Variants in FLRT2 observed in about 807,000 individuals in gnomAD.
FLRT2 encodes fibronectin leucine rich transmembrane protein 2, also known as leucine-rich repeat transmembrane protein FLRT2.
In FLRT2, 15 loss-of-function variants were observed where a neutral mutation model predicts 40.0. The observed-to-expected ratio is 0.38, with a 90% confidence interval of 0.25 to 0.58. The LOEUF (loss-of-function observed/expected upper bound fraction) is 0.58. Among genes scored for constraint, FLRT2 ranks in the 20% least tolerant of loss-of-function variants. The pLI, the probability that FLRT2 is intolerant of heterozygous loss-of-function variation, is 0.71. For synonymous variants in FLRT2, 380 were observed against 336.8 expected (o/e 1.13, Z -1.41); for missense variants, 726 against 840.0 (o/e 0.86, Z 1.68).
intron 1 of FLRT2, among the ~76,000 whole-genome samples, chr14:85,535,345 GC>G (rs767334797): frequency 2.8e-4 from 19 of 67,616 alleles, no homozygotes; most frequent in Non-Finnish European, 4.9e-4. Context: ...CCAATGAAAA[GC>G]CCCCCCCCAA....
At chr14:85,584,892 C>T (rs145287273) in intron 1 of FLRT2, among the ~76,000 whole-genome samples, 1,571 of 114,492 alleles carry the variant, frequency 0.014, 9 homozygotes, top group South Asian at 0.02. Flanking sequence ...CAAATGGGGC[C>T]GTATCCAAAA....
In FLRT2 at chr14:85,623,644, C is replaced by A; in HGVS notation, c.*147C>A. 1.7e-6 allele frequency: 1 copy of A among 585,386 alleles called. No individual in the cohort carries two copies. Among genetic ancestry groups the A allele is most frequent in the Non-Finnish European group, 2.8e-6 (1 of 362,690 alleles). 36.3% of individuals were successfully genotyped at this position (585,386 alleles called of 1,614,324 possible). A position where few individuals can be genotyped will look rare whatever the true frequency, so the allele number is the denominator to read the frequency against. ...AATACTCTGTAATTTATACGGTGTA[C>A]TATATAATGGGATTTAAAAAAAGTG... is the stretch of plus-strand genomic sequence containing the variant. On this transcript the variant is annotated 3_prime_UTR_variant, in exon 2 of 2. Transcript: ENST00000330753.
Position 85,625,080 on chromosome 14 carries a change from TC to T in FLRT2, c.*1584del. The T allele has an allele frequency of 6.0e-6, 1 of 167,146 alleles. No homozygotes were observed. 10.4% of individuals were successfully genotyped at this position (167,146 alleles called of 1,614,324 possible). On this transcript the variant is annotated 3_prime_UTR_variant, in exon 2 of 2. Coordinates refer to ENST00000330753, the MANE Select transcript of FLRT2 (RefSeq NM_013231.6). ...AAAAGAGAGGATGTCCGTGCTTAAT[TC>T]TAGATACTTTTGAGACAACACCTTC...
Position 85,579,333 on chromosome 14 carries a change from G to A in FLRT2, c.-376-41806G>A, listed in dbSNP as rs529645145. Reference sequence around the variant, plus strand: ...TCTTCTCTTGGCTAAAATAAAGACCGGGGGAATTGGTCTGGCTTTAAAGAA... The same window carrying A: ...TCTTCTCTTGGCTAAAATAAAGACCAGGGGAATTGGTCTGGCTTTAAAGAA... On this transcript the variant is annotated intron_variant, in intron 1 of 1. Coordinates refer to ENST00000330753, the MANE Select transcript of FLRT2 (RefSeq NM_013231.6). Among the ~76,000 whole-genome samples the A allele has an allele frequency of 9.9e-5, 15 of 152,182 alleles. No homozygotes were observed. The South Asian group carries it at 1.2e-3, about 13-fold the overall frequency.
rs1048915534 is a variant in FLRT2, at chr14:85,645,607, T to C, written c.*22110T>C. ...GGGAAGAAATACGTGTTAAGGATTG[T>C]TCATAAGTGGCAGAACCTATGAGAA... On this transcript the variant is annotated 3_prime_UTR_variant, in exon 2 of 2. Coordinates refer to ENST00000330753, the MANE Select transcript of FLRT2 (RefSeq NM_013231.6). The C allele has an allele frequency of 6.6e-6, 1 of 152,200 alleles. No homozygotes were observed. Among genetic ancestry groups the C allele is most frequent in the African/African-American group, 2.4e-5 (1 of 41,448 alleles). 9.4% of individuals were successfully genotyped at this position (152,200 alleles called of 1,614,324 possible).
Position 85,625,794 on chromosome 14 carries a change from G to A in FLRT2, c.*2297G>A, listed in dbSNP as rs1893656572. On this transcript the variant is annotated 3_prime_UTR_variant, in exon 2 of 2. Coordinates refer to ENST00000330753, the MANE Select transcript of FLRT2 (RefSeq NM_013231.6). Reference sequence around the variant, plus strand: ...AGATAAAATTGTGCATTCAAATGATGGTACTTTGACTTTTGAGGGTTTTTA... The same window carrying A: ...AGATAAAATTGTGCATTCAAATGATAGTACTTTGACTTTTGAGGGTTTTTA... 6.0e-6 allele frequency: 1 copy of A among 166,672 alleles called. No homozygotes were observed. The highest frequency in any genetic ancestry group is 6.6e-5 in the Admixed American group (1 of 15,252). The allele number at this position is 166,672 out of a possible 1,614,324, so 10.3% of individuals were successfully genotyped here.
chr14:85,620,009 A>T (rs1893310408), intron 1 of FLRT2, among the ~76,000 whole-genome samples: 1 of 152,220 alleles, frequency 6.6e-6, no homozygotes, highest in South Asian at 2.1e-4. Context: ...TCTTCAAGGG[A>T]TCACAATGGT....
rs1425688910 is a variant in FLRT2, at chr14:85,626,653, C to T, written c.*3156C>T. The stretch of plus-strand genomic sequence containing the variant: ...CACCGTCAGATGCATTAGCAGCCCA[C>T]TGCATGGGACAATCGCAGGCAGATA... On this transcript the variant is annotated 3_prime_UTR_variant, in exon 2 of 2. Transcript: ENST00000330753. The T allele has an allele frequency of 6.0e-6, 1 of 167,120 alleles. No individual in the cohort carries two copies. The highest frequency in any genetic ancestry group is 1.9e-4 in the East Asian group (1 of 5,194). 10.4% of individuals were successfully genotyped at this position (167,120 alleles called of 1,614,324 possible).
chr14:85,601,162 G>T (rs1444880792), intron 1 of FLRT2, among the ~76,000 whole-genome samples: 1 of 152,136 alleles, frequency 6.6e-6, no homozygotes, highest in Non-Finnish European at 1.5e-5. Flanking sequence ...AAGCTGAAGT[G>T]CTGTAGGTAG....
intron 1 of FLRT2, among the ~76,000 whole-genome samples, chr14:85,591,083 T>G (rs8008717): frequency 0.3 from 45,307 of 152,082 alleles, 7,507 homozygotes; most frequent in African/African-American, 0.45. Flanking sequence ...ACTTTTGACT[T>G]TGGAGGGTAG....
intron 1 of FLRT2, among the ~76,000 whole-genome samples, chr14:85,616,335 C>G (rs1364572020): frequency 1.4e-5 from 2 of 139,220 alleles, no homozygotes; most frequent in Non-Finnish European, 3.2e-5. Flanking sequence ...AAAAAAAAAA[C>G]CCTTTTCCTT....
rs1894204349 is a variant in FLRT2, at chr14:85,643,331, CTTTCTTTCTTTCTTT to C, written c.*19835_*19849del. The C allele has an allele frequency of 8.6e-6, 1 of 116,216 alleles. No individual in the cohort carries two copies. Among genetic ancestry groups the C allele is most frequent in the African/African-American group, 3.6e-5 (1 of 27,482 alleles). 7.2% of individuals were successfully genotyped at this position (116,216 alleles called of 1,614,324 possible). A position where few individuals can be genotyped will look rare whatever the true frequency, so the allele number is the denominator to read the frequency against. On this transcript the variant is annotated 3_prime_UTR_variant, in exon 2 of 2. Coordinates refer to ENST00000330753, the MANE Select transcript of FLRT2 (RefSeq NM_013231.6). ...TCTTTCTTTCTTTCTTTCTTTCTTT[CTTTCTTTCTTTCTTT>C]CTTTCTTTCTTCCTTCCTTCCTTCC...
rs544319746 is a variant in FLRT2, at chr14:85,629,177, T to C, written c.*5680T>C. On this transcript the variant is annotated 3_prime_UTR_variant, in exon 2 of 2. Transcript: ENST00000330753. ...TCTCAGAGCCTGCATAATCACTTTA[T>C]ACTACTTCATTAAATTGACAGGACA... is the stretch of plus-strand genomic sequence containing the variant. The C allele has an allele frequency of 6.6e-6, 1 of 152,316 alleles. No homozygotes were observed. Among genetic ancestry groups the C allele is most frequent in the Admixed American group, 6.5e-5 (1 of 15,296 alleles). 9.4% of individuals were successfully genotyped at this position (152,316 alleles called of 1,614,324 possible).
rs1566764679 is a variant in FLRT2, at chr14:85,623,140, G to C, written c.1626G>C (p.Leu542=). ...CCCACAGCATGGGCTCCCCCTTTCTGCTGGCGGGCTTGATCGGGGGCGCGG... is the reference window on the plus strand; with the variant it reads ...CCCACAGCATGGGCTCCCCCTTTCTCCTGGCGGGCTTGATCGGGGGCGCGG... ...TTSHSMGSPF[L]LAGLIGGAVI... The change falls in exon 2 of 2, where the codon CTG becomes CTC. Residue 542 remains leucine (L), a synonymous_variant. Coordinates refer to ENST00000330753, the MANE Select transcript of FLRT2 (RefSeq NM_013231.6). 5.0e-6 allele frequency: 8 copies of C among 1,599,720 alleles called. No individual in the cohort carries two copies. The highest frequency in any genetic ancestry group is 1.1e-5 in the South Asian group (1 of 89,402).
intron 1 of FLRT2, among the ~76,000 whole-genome samples, chr14:85,615,204 C>G (rs1455622785): frequency 6.6e-6 from 1 of 152,172 alleles, no homozygotes; most frequent in East Asian, 1.9e-4. Flanking sequence ...GGATCTCCCT[C>G]CCAGTGGGCT....
At chr14:85,571,976 G>A (rs565118526) in intron 1 of FLRT2, among the ~76,000 whole-genome samples, 2 of 152,288 alleles carry the variant, frequency 1.3e-5, no homozygotes, top group African/African-American at 4.8e-5. Context: ...CCAGAGCCTT[G>A]AGAACGATCA....
chr14:85,580,660 T>C (rs1039225164), intron 1 of FLRT2, among the ~76,000 whole-genome samples: 11 of 152,204 alleles, frequency 7.2e-5, no homozygotes, highest in African/African-American at 2.2e-4. Flanking sequence ...TTAGGACATA[T>C]TCCTGCTATA....
At chr14:85,590,053 C>T (rs1385655638) in intron 1 of FLRT2, among the ~76,000 whole-genome samples, 1 of 94,004 alleles carries the variant, frequency 1.1e-5, no homozygotes, top group Non-Finnish European at 2.1e-5. Flanking sequence ...GTTGTTTTTG[C>T]TCAGATTTTT....
intron 1 of FLRT2, among the ~76,000 whole-genome samples, chr14:85,531,637 G>A (rs900406416): frequency 6.6e-6 from 1 of 152,148 alleles, no homozygotes; most frequent in Non-Finnish European, 1.5e-5. Context: ...CACCGCTACT[G>A]TCGTCGTTGG....
Sources: allele counts gnomAD v4.1 joint callset (sites outside exome capture counted in the v4.1 genomes callset), GRCh38; gene constraint gnomAD v4.1.1; transcripts MANE v1.5; gene names NCBI Gene and HGNC (gene_info 2026-07-23, HGNC 2026-07-21).